XKR6: variants seen among roughly 807,000 people sequenced by gnomAD.
XKR6 encodes the protein XK related 6.
In XKR6, 22 loss-of-function variants were observed where a neutral mutation model predicts 56.7. That is an observed-to-expected ratio of 0.39 (90% CI 0.28 to 0.55). The LOEUF (loss-of-function observed/expected upper bound fraction) is 0.55, where lower values mean the gene tolerates loss of function less well. Ranked by LOEUF, XKR6 falls within the 20% of genes least tolerant of loss-of-function variation. The pLI, the probability that XKR6 is intolerant of heterozygous loss-of-function variation, is 0.66. For synonymous variants in XKR6, 524 were observed against 387.8 expected, an observed-to-expected ratio of 1.35 and a Z score of -4.13; for missense variants, 852 against 889.0, an observed-to-expected ratio of 0.96 and a Z score of 0.53.
chr8:10,991,192 C>T (rs905957064), intron 1 of XKR6, among the ~76,000 whole-genome samples: 1 of 152,072 alleles, frequency 6.6e-6, no homozygotes. Context: ...GCGTGAGCCA[C>T]CCCAGCTGGG....
At chr8:11,053,364 C>T (rs1799603150) in intron 1 of XKR6, among the ~76,000 whole-genome samples, 1 of 152,228 alleles carries the variant, frequency 6.6e-6, no homozygotes, top group Admixed American at 6.5e-5. Flanking sequence ...GGCCTGACTC[C>T]CCTGCCACAA....
chr8:11,177,227 C>T (rs959173987), intron 1 of XKR6, among the ~76,000 whole-genome samples: 1 of 152,230 alleles, frequency 6.6e-6, no homozygotes, highest in African/African-American at 2.4e-5. Context: ...GCTACAAAGA[C>T]TCTTTCCTGC....
intron 1 of XKR6, among the ~76,000 whole-genome samples, chr8:11,037,685 CTG>C (rs1471150418): frequency 5.3e-5 from 8 of 152,168 alleles, no homozygotes; most frequent in African/African-American, 1.9e-4. Flanking sequence ...TGGTGAAACC[CTG>C]TCACTACTAA....
At chr8:11,158,881 T>C (rs1801655893) in intron 1 of XKR6, among the ~76,000 whole-genome samples, 1 of 152,200 alleles carries the variant, frequency 6.6e-6, no homozygotes, top group South Asian at 2.1e-4. Flanking sequence ...AATCCCACCA[T>C]ACTGCATACA....
intron 1 of XKR6, among the ~76,000 whole-genome samples, chr8:11,193,545 G>A (rs887140557): frequency 1.7e-4 from 26 of 151,936 alleles, no homozygotes; most frequent in African/African-American, 2.7e-4. Context: ...CTAAAAATTC[G>A]ACTAGTGTCA....
intron 1 of XKR6, among the ~76,000 whole-genome samples, chr8:10,932,658 G>A (rs910547820): frequency 1.1e-4 from 15 of 134,790 alleles, no homozygotes; most frequent in African/African-American, 3.8e-4. Flanking sequence ...TCCCACCTAT[G>A]AGTGAGAATA....
intron 1 of XKR6, among the ~76,000 whole-genome samples, chr8:10,969,468 C>T (rs143902782): frequency 3.0e-4 from 45 of 152,338 alleles, no homozygotes; most frequent in African/African-American, 1.1e-3. Context: ...TTAGTAGATA[C>T]AAGATCTCCC....
chr8:10,950,068 G>T (rs73196845), intron 1 of XKR6, among the ~76,000 whole-genome samples: 3 of 152,122 alleles, frequency 2.0e-5, no homozygotes, highest in African/African-American at 7.2e-5. Flanking sequence ...GCCCAGGAAT[G>T]CATGCACACG....
chr8:10,994,187 C>G (rs1798058315), intron 1 of XKR6, among the ~76,000 whole-genome samples: 1 of 152,222 alleles, frequency 6.6e-6, no homozygotes, highest in African/African-American at 2.4e-5. Context: ...CAGGGGGCTC[C>G]TAAGAACTAA....
chr8:11,003,808 T>C (rs10092802), intron 1 of XKR6, among the ~76,000 whole-genome samples: 10,786 of 152,238 alleles, frequency 0.071, 1,302 homozygotes, highest in African/African-American at 0.24. Flanking sequence ...GGCATATGTA[T>C]GGAGGACAGA....
chr8:11,158,177 G>A (rs540478070), intron 1 of XKR6, among the ~76,000 whole-genome samples: 65 of 152,116 alleles, frequency 4.3e-4, no homozygotes, highest in Non-Finnish European at 7.1e-4. Context: ...ATAATCAATC[G>A]TCAGCCATAA....
intron 1 of XKR6, among the ~76,000 whole-genome samples, chr8:10,997,987 C>G (rs2094100280): frequency 6.6e-6 from 1 of 151,710 alleles, no homozygotes; most frequent in Non-Finnish European, 1.5e-5. Context: ...TAACCCCACT[C>G]TGTATTTTAC....
At chr8:11,084,534 T>C (rs774758887) in intron 1 of XKR6, among the ~76,000 whole-genome samples, 1 of 152,344 alleles carries the variant, frequency 6.6e-6, no homozygotes, top group Non-Finnish European at 1.5e-5. Context: ...GCACTTCATA[T>C]TTACATAGCA....
chr8:10,973,854 G>C (rs988706687), intron 1 of XKR6, among the ~76,000 whole-genome samples: 1 of 152,192 alleles, frequency 6.6e-6, no homozygotes, highest in African/African-American at 2.4e-5. Flanking sequence ...CAAAGTGTTG[G>C]AATTACAGGC....
At chr8:10,987,722 T>C (rs1049558802) in intron 1 of XKR6, among the ~76,000 whole-genome samples, 11 of 152,344 alleles carry the variant, frequency 7.2e-5, no homozygotes, top group African/African-American at 2.6e-4. Context: ...ACCCCAAGCA[T>C]TTACTATGGC....
intron 1 of XKR6, among the ~76,000 whole-genome samples, chr8:11,022,911 G>A (rs1011767190): frequency 6.6e-6 from 1 of 152,140 alleles, no homozygotes; most frequent in South Asian, 2.1e-4. Context: ...CAGGAGGCCC[G>A]GGGCTCTAAC....
chr8:11,058,508 T>TA (rs1309663464), intron 1 of XKR6, among the ~76,000 whole-genome samples: 2 of 152,000 alleles, frequency 1.3e-5, no homozygotes, highest in Admixed American at 1.3e-4. Context: ...TATGCAGCCA[T>TA]AAAAAAGGAT....
intron 1 of XKR6, among the ~76,000 whole-genome samples, chr8:11,189,013 C>T (rs544509393): frequency 6.6e-6 from 1 of 152,308 alleles, no homozygotes; most frequent in South Asian, 2.1e-4. Context: ...CCCTCATCCC[C>T]TCTCCTGGCT....
intron 1 of XKR6, among the ~76,000 whole-genome samples, chr8:11,156,848 T>TACAC (rs571443159): frequency 6.6e-6 from 1 of 150,992 alleles, no homozygotes. Flanking sequence ...CACACACACA[T>TACAC]ACACACACAC....
Sources: gnomAD v4.1 joint callset for allele counts (sites outside exome capture counted in the v4.1 genomes callset) on GRCh38, gnomAD v4.1.1 for gene constraint, MANE v1.5 for transcripts, NCBI Gene and HGNC (gene_info 2026-07-23, HGNC 2026-07-21) for gene names.